The following DGKB variants were observed in gnomAD, a reference collection of about 807,000 sequenced individuals.
DGKB encodes the protein diacylglycerol kinase beta.
DGKB carries 67 observed loss-of-function variants against 114.3 expected under a neutral mutation model. The observed-to-expected ratio is 0.59, with a 90% confidence interval of 0.48 to 0.72. The LOEUF (loss-of-function observed/expected upper bound fraction) is 0.72. Among genes scored for constraint, DGKB ranks in the 30% least tolerant of loss-of-function variants. The probability of loss-of-function intolerance (pLI) is 0.00; values close to 1 mark genes in which losing one functional copy is unlikely to be tolerated. For missense variants in DGKB, 907 were observed against 975.2 expected (o/e 0.93, Z 0.93); for synonymous variants, 398 against 323.1 (o/e 1.23, Z -2.49).
chr7:14,718,745 CAAAT>C, intron 5 of DGKB, 60 bp from the exon 6 acceptor site: 2 of 1,289,568 alleles, frequency 1.6e-6, no homozygotes, highest in Admixed American at 4.5e-5. Flanking sequence ...AAACAGAAAA[CAAAT>C]TAAGAAAATA....
At chr7:14,588,140 CTT>C (rs1367944955) in intron 17 of DGKB, among the ~76,000 whole-genome samples, 1 of 152,058 alleles carries the variant, frequency 6.6e-6, no homozygotes, top group Non-Finnish European at 1.5e-5. Flanking sequence ...ACTTGTCACG[CTT>C]TTTCATTTTA....
intron 20 of DGKB, among the ~76,000 whole-genome samples, chr7:14,494,013 C>T (rs568551010): frequency 9.9e-5 from 15 of 151,316 alleles, no homozygotes; most frequent in Middle Eastern, 3.4e-3. Flanking sequence ...TAATCATATG[C>T]CATATCCAAT....
chr7:14,527,261 T>G (rs886753257), intron 20 of DGKB, among the ~76,000 whole-genome samples: 1 of 152,152 alleles, frequency 6.6e-6, no homozygotes, highest in African/African-American at 2.4e-5. Flanking sequence ...AATCTTTTAT[T>G]GGAAACAGTT....
chr7:14,440,503 T>C (rs1829933876), intron 21 of DGKB, among the ~76,000 whole-genome samples: 1 of 152,168 alleles, frequency 6.6e-6, no homozygotes, highest in Admixed American at 6.6e-5. Flanking sequence ...TGTATTTATT[T>C]TGTAGTCTGT....
intron 21 of DGKB, among the ~76,000 whole-genome samples, chr7:14,404,640 G>C (rs1410462137): frequency 3.3e-5 from 5 of 151,800 alleles, no homozygotes; most frequent in Non-Finnish European, 7.4e-5. Flanking sequence ...AACTTCCCAA[G>C]GCCATGGTCT....
chr7:14,639,454 T>G (rs745313511), intron 13 of DGKB, among the ~76,000 whole-genome samples: 1 of 152,224 alleles, frequency 6.6e-6, no homozygotes, highest in Non-Finnish European at 1.5e-5. Context: ...CTTTGCTACC[T>G]TGCCAGAGCA....
chr7:14,252,818 G>A (rs980954315), intron 23 of DGKB, among the ~76,000 whole-genome samples: 2 of 152,118 alleles, frequency 1.3e-5, no homozygotes, highest in Non-Finnish European at 1.5e-5. Flanking sequence ...TGGAGTACTC[G>A]TTTCACTCTT....
intron 21 of DGKB, among the ~76,000 whole-genome samples, chr7:14,352,980 A>C (rs1368275754): frequency 1.3e-5 from 2 of 152,084 alleles, no homozygotes; most frequent in South Asian, 2.1e-4. Context: ...ATAATAATAA[A>C]AGTGTCCCTA....
intron 23 of DGKB, chr7:14,209,608 A>T (rs1162186442): frequency 2.3e-6 from 1 of 442,540 alleles, no homozygotes. Flanking sequence ...GCCCCTTAAG[A>T]GGTAAGCTTT....
At chr7:14,905,244 G>GTT (rs55752603), upstream of DGKB, among the ~76,000 whole-genome samples, 52,896 of 138,950 alleles carry the variant, frequency 0.38, 11,587 homozygotes, top group Non-Finnish European at 0.48. Flanking sequence ...CATCTTGTTA[G>GTT]TTTTTTTTTT....
At chr7:14,381,689 G>T (rs567892428) in intron 21 of DGKB, among the ~76,000 whole-genome samples, 3 of 152,140 alleles carry the variant, frequency 2.0e-5, no homozygotes, top group Non-Finnish European at 4.4e-5. Flanking sequence ...TTGAACTGCA[G>T]CCTTGCACTC....
intron 21 of DGKB, among the ~76,000 whole-genome samples, chr7:14,384,156 C>A (rs1161023960): frequency 6.6e-6 from 1 of 152,162 alleles, no homozygotes; most frequent in Non-Finnish European, 1.5e-5. Context: ...TACGTAAGTA[C>A]ATTTTTAGAT....
intron 1 of DGKB, among the ~76,000 whole-genome samples, chr7:14,917,236 A>G (rs1239427375): frequency 6.6e-6 from 1 of 152,038 alleles, no homozygotes; most frequent in Non-Finnish European, 1.5e-5. Flanking sequence ...GAGAAAGTAA[A>G]GCTATATAAA....
At chr7:14,547,708 G>C (rs543717178) in intron 20 of DGKB, among the ~76,000 whole-genome samples, 8 of 152,102 alleles carry the variant, frequency 5.3e-5, no homozygotes, top group Non-Finnish European at 1.0e-4. Flanking sequence ...TTCCTTAGCT[G>C]TGATACATTT....
chr7:14,516,741 C>T (rs949086910), intron 20 of DGKB, among the ~76,000 whole-genome samples: 35 of 151,932 alleles, frequency 2.3e-4, no homozygotes, highest in African/African-American at 6.8e-4. Context: ...GAAACTTAGC[C>T]GAAGTAGTAT....
rs965991503 is a variant in DGKB, at chr7:14,886,932, C to T, written c.-188+15660G>A. On this transcript the variant is annotated intron_variant, in intron 1 of 25. Coordinates refer to ENST00000402815, the MANE Select transcript of DGKB (RefSeq NM_001350709.2). ...CAAAATGGACTTCTAGCTCTTAAGT[C>T]AGCCTTGCAATAAAGCCTTTTTACA... Among the ~76,000 whole-genome samples the T allele has an allele frequency of 2.6e-5, 4 of 151,956 alleles. 1 individual carries two copies. Among genetic ancestry groups the T allele is most frequent in the South Asian group, 2.1e-4 (1 of 4,828 alleles).
At chr7:14,404,719 C>A (rs575056241) in intron 21 of DGKB, among the ~76,000 whole-genome samples, 18 of 151,952 alleles carry the variant, frequency 1.2e-4, no homozygotes, top group African/African-American at 4.3e-4. Context: ...CTCCTCTATA[C>A]CAGAAGTGTT....
chr7:14,580,379 G>C (rs983362304), intron 19 of DGKB, among the ~76,000 whole-genome samples: 3 of 151,934 alleles, frequency 2.0e-5, no homozygotes, highest in Non-Finnish European at 2.9e-5. Context: ...TTTTTCTTTT[G>C]TCAACTCTGT....
chr7:14,331,534 C>A (rs1254743817), intron 23 of DGKB, among the ~76,000 whole-genome samples: 2 of 152,008 alleles, frequency 1.3e-5, no homozygotes, highest in Non-Finnish European at 2.9e-5. Context: ...TAGTGGATGA[C>A]AAATGTCCAT....
Sources: allele counts gnomAD v4.1 joint callset (sites outside exome capture counted in the v4.1 genomes callset), GRCh38; gene constraint gnomAD v4.1.1; transcripts MANE v1.5; gene names NCBI Gene and HGNC (gene_info 2026-07-23, HGNC 2026-07-21).